The following PCDHA6 variants were observed in gnomAD, a reference collection of about 807,000 sequenced individuals.
PCDHA6 encodes protocadherin alpha 6, also known as protocadherin alpha-6.
A neutral mutation model predicts 60.3 loss-of-function variants in PCDHA6; 55 were observed. The observed-to-expected ratio is 0.91, with a 90% CI of 0.73 to 1.14. The LOEUF (loss-of-function observed/expected upper bound fraction) is 1.14, where lower values mean the gene tolerates loss of function less well. Ranked by LOEUF, PCDHA6 falls within the 50% of genes most tolerant of loss-of-function variation. PCDHA6 has a pLI of 0.00. For missense variants in PCDHA6, 1,327 were observed against 1,256.5 expected, an observed-to-expected ratio of 1.06 and a Z score of -0.85; for synonymous variants, 652 against 557.9, an observed-to-expected ratio of 1.17 and a Z score of -2.38.
At chr5:140,880,084 T>TAGTA (rs2058231039) in intron 1 of PCDHA6, among the ~76,000 whole-genome samples, 1 of 152,208 alleles carries the variant, frequency 6.6e-6, no homozygotes. Context: ...CAACCTATTA[T>TAGTA]AGTAGGCTTA....
chr5:140,862,649 C>T, intron 1 of PCDHA6: 1 of 543,104 alleles, frequency 1.8e-6, no homozygotes, highest in East Asian at 5.0e-5. Context: ...ACAGTGTCCG[C>T]GCGGGACCGG....
chr5:140,884,609 G>C (rs1554181782), intron 1 of PCDHA6: 4 of 1,614,138 alleles, frequency 2.5e-6, no homozygotes, highest in African/African-American at 1.3e-5. Flanking sequence ...TCCTTGTCTG[G>C]GTTCTGCAGA....
intron 1 of PCDHA6, chr5:140,843,224 C>A: frequency 6.3e-7 from 1 of 1,596,086 alleles, no homozygotes; most frequent in Non-Finnish European, 8.6e-7. Context: ...CAGCACCACT[C>A]GTGTCCTGGA....
At chr5:140,967,051 G>T in intron 1 of PCDHA6, 12 of 1,612,562 alleles carry the variant, frequency 7.4e-6, no homozygotes, top group Non-Finnish European at 9.3e-6. Context: ...TGGACCTGAC[G>T]AGTGGAGCGC....
At chr5:140,995,060 A>C (rs1424126097) in intron 3 of PCDHA6, among the ~76,000 whole-genome samples, 2 of 152,204 alleles carry the variant, frequency 1.3e-5, no homozygotes, top group African/African-American at 2.4e-5. Context: ...AATTTTCAAA[A>C]ATCAACCTAC....
chr5:140,837,608 A>G (rs1775145322), intron 1 of PCDHA6, among the ~76,000 whole-genome samples: 1 of 151,396 alleles, frequency 6.6e-6, no homozygotes. Flanking sequence ...TATATTTTAT[A>G]ATTTGCCCCT....
intron 1 of PCDHA6, chr5:140,870,919 CT>C (rs1562653796): frequency 5.6e-6 from 9 of 1,613,952 alleles, no homozygotes; most frequent in Non-Finnish European, 7.6e-6. Flanking sequence ...CAACGCGTGG[CT>C]TTCATATGAA....
At chr5:140,941,317 CTCT>C (rs2093029316) in intron 1 of PCDHA6, among the ~76,000 whole-genome samples, 2 of 99,150 alleles carry the variant, frequency 2.0e-5, no homozygotes, top group Non-Finnish European at 4.2e-5. Flanking sequence ...TTTCTTCTTT[CTCT>C]TTTTTTTTTT....
At chr5:140,884,681 A>G (rs2060314464) in intron 1 of PCDHA6, 1 of 1,546,928 alleles carries the variant, frequency 6.5e-7, no homozygotes, top group Non-Finnish European at 8.7e-7. Flanking sequence ...ATATTTTAAA[A>G]AATTGTCTTA....
At chr5:140,985,981 C>T (rs966841419) in intron 3 of PCDHA6, among the ~76,000 whole-genome samples, 18 of 152,140 alleles carry the variant, frequency 1.2e-4, no homozygotes, top group Middle Eastern at 6.8e-3. Context: ...CCTCGTGATC[C>T]GCCCACCTCA....
At position 140,966,988 on chromosome 5, in the gene PCDHA6, G is replaced by C. The variant is rs782004679; in HGVS notation, c.2395-11961G>C. 1.2e-5 allele frequency: 20 copies of C among 1,603,962 alleles called. No homozygotes were observed. The African/African-American group carries it at 2.1e-4, about 17-fold the overall frequency. Reference sequence around the variant, plus strand: ...GGCTTGAGCTGCGGCGCTTGGGGCCGGGTTGCTTGCGCATCAACCATCTGG... The same window carrying C: ...GGCTTGAGCTGCGGCGCTTGGGGCCCGGTTGCTTGCGCATCAACCATCTGG... On this transcript the variant is annotated intron_variant, in intron 1 of 3. Transcript: ENST00000529310.
At chr5:140,924,901 A>AT (rs1554202312) in intron 1 of PCDHA6, among the ~76,000 whole-genome samples, 3 of 80,456 alleles carry the variant, frequency 3.7e-5, no homozygotes, top group African/African-American at 8.6e-5. Context: ...TCTCAAAAAA[A>AT]AAAATAAAAT....
rs576274101 is a variant in PCDHA6 at position 140,846,411 on chromosome 5, A to C, written c.2394+15926A>C. On this transcript the variant is annotated intron_variant, in intron 1 of 3. Transcript: ENST00000529310. ...TTTTTTTGAGACGGAGTCTCGCTCTATCTCCCAGGCTGGAATGCAGTGGCG... is the reference window on the plus strand; with the variant it reads ...TTTTTTTGAGACGGAGTCTCGCTCTCTCTCCCAGGCTGGAATGCAGTGGCG... Among the ~76,000 whole-genome samples the C allele has an allele frequency of 2.7e-5, 3 of 109,350 alleles. 1 individual carries two copies. The South Asian group carries it at 8.0e-4, about 29-fold the overall frequency. The allele number at this position is 109,350 out of a possible 152,430, so 71.7% of individuals were successfully genotyped here.
At chr5:140,910,074 G>T (rs2074869064) in intron 1 of PCDHA6, among the ~76,000 whole-genome samples, 1 of 152,162 alleles carries the variant, frequency 6.6e-6, no homozygotes, top group South Asian at 2.1e-4. Context: ...AGCGTAAATT[G>T]TTGTCAAGGG....
intron 3 of PCDHA6, among the ~76,000 whole-genome samples, chr5:141,000,351 GTCTC>G (rs1554257240): frequency 3.0e-5 from 2 of 66,862 alleles, no homozygotes. Flanking sequence ...CTCTCTCTCT[GTCTC>G]TCTCTGTCTC....
chr5:140,878,001 T>C (rs2057434893), intron 1 of PCDHA6: 6 of 1,018,808 alleles, frequency 5.9e-6, no homozygotes, highest in South Asian at 4.4e-5. Flanking sequence ...TATGTATTTG[T>C]CTAACATTAA....
intron 1 of PCDHA6, among the ~76,000 whole-genome samples, chr5:140,913,340 C>G (rs1276320319): frequency 6.6e-6 from 1 of 152,024 alleles, no homozygotes; most frequent in African/African-American, 2.4e-5. Context: ...GGAATTTATC[C>G]ATTTCCTCTA....
chr5:140,884,174 C>T (rs540874524), intron 1 of PCDHA6: 6 of 1,613,436 alleles, frequency 3.7e-6, no homozygotes, highest in Middle Eastern at 1.7e-4. Flanking sequence ...CACGACGCGC[C>T]CTCTGGACGA....
At chr5:140,903,401 T>A (rs577425497) in intron 1 of PCDHA6, among the ~76,000 whole-genome samples, 2 of 152,336 alleles carry the variant, frequency 1.3e-5, no homozygotes, top group East Asian at 3.9e-4. Flanking sequence ...GAAACAGTAG[T>A]GCAGTCAGGA....
Sources: gnomAD v4.1 joint callset for allele counts (sites outside exome capture counted in the v4.1 genomes callset) on GRCh38, gnomAD v4.1.1 for gene constraint, MANE v1.5 for transcripts, NCBI Gene and HGNC (gene_info 2026-07-23, HGNC 2026-07-21) for gene names.